The following CNGB3 variants were observed in gnomAD, a reference collection of about 807,000 sequenced individuals.
CNGB3 encodes cyclic nucleotide-gated channel beta-3.
In CNGB3, 86 loss-of-function variants were observed where a neutral mutation model predicts 92.8. That is an observed-to-expected ratio of 0.93 (90% CI 0.78 to 1.11). The LOEUF (loss-of-function observed/expected upper bound fraction) is 1.11, where lower values mean the gene tolerates loss of function less well. Ranked by LOEUF, CNGB3 falls within the 50% of genes least tolerant of loss-of-function variation. The pLI is 0.00. For synonymous variants in CNGB3, 333 were observed against 332.7 expected, an observed-to-expected ratio of 1.00 and a Z score of -0.01; for missense variants, 1,026 against 956.8, an observed-to-expected ratio of 1.07 and a Z score of -0.95.
rs541480678 is a variant in CNGB3 at position 86,711,302 on chromosome 8, G to A, written c.338+15229C>T. Among the ~76,000 whole-genome samples the A allele has an allele frequency of 1.3e-4, 20 of 152,026 alleles. No individual in the cohort carries two copies. The South Asian group carries it at 1.9e-3, about 14-fold the overall frequency. On this transcript the variant is annotated intron_variant, in intron 3 of 17. Coordinates refer to ENST00000320005, the MANE Select transcript of CNGB3 (RefSeq NM_019098.5). ...TATTCATGGATTTTTGCCTGCCTGC[G>A]TCATAGAAATCTGAGATTGTTCACT...
intron 2 of CNGB3, among the ~76,000 whole-genome samples, chr8:86,733,385 A>C (rs190202638): frequency 6.6e-6 from 1 of 152,186 alleles, no homozygotes; most frequent in African/African-American, 2.4e-5. Context: ...GCTATTGTGA[A>C]TATCACAGTG....
At chr8:86,626,113 C>T (rs759719427) in intron 12 of CNGB3, 33 bp from the exon 13 acceptor site, 2 of 1,499,524 alleles carry the variant, frequency 1.3e-6, no homozygotes, top group African/African-American at 2.8e-5. Flanking sequence ...AACCCCGATG[C>T]AGAATAATTA....
chr8:86,702,083 T>C (rs1824568470), intron 3 of CNGB3, among the ~76,000 whole-genome samples: 1 of 152,236 alleles, frequency 6.6e-6, no homozygotes, highest in African/African-American at 2.4e-5. Context: ...ACATTTAATA[T>C]ATGCTATAAG....
intron 3 of CNGB3, among the ~76,000 whole-genome samples, chr8:86,717,183 T>C (rs1824870996): frequency 6.6e-6 from 1 of 152,050 alleles, no homozygotes; most frequent in Non-Finnish European, 1.5e-5. Context: ...CCTAAATATA[T>C]ATACACCTAA....
At chr8:86,609,772 T>C (rs1244136113) in intron 14 of CNGB3, among the ~76,000 whole-genome samples, 31 of 152,230 alleles carry the variant, frequency 2.0e-4, no homozygotes, top group Admixed American at 2.0e-3. Flanking sequence ...GTTCCTTGGA[T>C]ATGCCAAGCT....
intron 3 of CNGB3, among the ~76,000 whole-genome samples, chr8:86,684,009 T>A (rs1221142328): frequency 1.3e-5 from 2 of 152,138 alleles, no homozygotes; most frequent in African/African-American, 4.8e-5. Context: ...TGGGAAACTT[T>A]TGCTTTGTGA....
chr8:86,627,678 A>G (rs1300943557), intron 12 of CNGB3, among the ~76,000 whole-genome samples: 1 of 152,144 alleles, frequency 6.6e-6, no homozygotes, highest in Non-Finnish European at 1.5e-5. Flanking sequence ...CCTCAGTAAC[A>G]ATTATTTTTA....
At chr8:86,635,363 T>C (rs1823042170) in intron 10 of CNGB3, among the ~76,000 whole-genome samples, 1 of 152,004 alleles carries the variant, frequency 6.6e-6, no homozygotes, top group Non-Finnish European at 1.5e-5. Flanking sequence ...TTACTTCCCC[T>C]CCAAAGTCAC....
chr8:86,727,091 A>G (rs1024318518), intron 2 of CNGB3, among the ~76,000 whole-genome samples: 8 of 152,224 alleles, frequency 5.3e-5, no homozygotes, highest in Non-Finnish European at 7.3e-5. Flanking sequence ...CAGTCTGTGT[A>G]TGTAAACATA....
At chr8:86,578,655 C>CCATGA in intron 17 of CNGB3, 34 bp downstream of exon 17, 1 of 1,610,070 alleles carries the variant, frequency 6.2e-7, no homozygotes, top group Non-Finnish European at 8.5e-7. Flanking sequence ...GGGGCCTTCT[C>CCATGA]CATGACAGCC....
chr8:86,656,047 C>T (rs1585996155), intron 6 of CNGB3, among the ~76,000 whole-genome samples: 1 of 152,180 alleles, frequency 6.6e-6, no homozygotes, highest in South Asian at 2.1e-4. Context: ...ACTTTTTTGG[C>T]TATAATTTTT....
intron 3 of CNGB3, among the ~76,000 whole-genome samples, chr8:86,674,929 T>C (rs1823936318): frequency 7.2e-6 from 1 of 138,822 alleles, no homozygotes; most frequent in Admixed American, 7.5e-5. Flanking sequence ...AATATTTCTT[T>C]CTTTCTCTCT....
rs755431853 is a variant in CNGB3 at position 86,604,190 on chromosome 8, A to G, written c.1684T>C (p.Tyr562His). 1 of 1,612,326 alleles carries G rather than the reference A, an allele frequency of 6.2e-7. No homozygotes were observed. Among genetic ancestry groups the G allele is most frequent in the Non-Finnish European group, 8.5e-7 (1 of 1,178,470 alleles). Residue 562 changes from tyrosine to histidine, a missense_variant, in exon 15 of 18, where the codon TAT becomes CAT. By Grantham distance (83) the Tyr-to-His change is moderately conservative. Transcript: ENST00000320005. ...TGGACTTCTCCATGCTTGATGATAT[A>G]CATTTCCTTGCCAATTTCTCCCTAC... Reference protein sequence around the residue: ...CKKGEIGKEMYIIKHGEVQVL... With the variant: ...CKKGEIGKEMHIIKHGEVQVL...
intron 11 of CNGB3, among the ~76,000 whole-genome samples, chr8:86,630,063 C>T (rs1822931480): frequency 6.6e-6 from 1 of 152,118 alleles, no homozygotes; most frequent in Non-Finnish European, 1.5e-5. Flanking sequence ...AATTGTGATG[C>T]CCTCCTCAGT....
At chr8:86,580,460 T>A (rs549613256) in intron 15 of CNGB3, among the ~76,000 whole-genome samples, 1 of 152,216 alleles carries the variant, frequency 6.6e-6, no homozygotes, top group East Asian at 1.9e-4. Context: ...CAGCACTTCA[T>A]GATGCCCTGG....
At chr8:86,688,749 T>C (rs1205779331) in intron 3 of CNGB3, among the ~76,000 whole-genome samples, 1 of 151,984 alleles carries the variant, frequency 6.6e-6, no homozygotes, top group African/African-American at 2.4e-5. Context: ...TTTATCTTTT[T>C]TTAAAAAACC....
chr8:86,591,507 G>C (rs1382317442), intron 15 of CNGB3, among the ~76,000 whole-genome samples: 3 of 149,742 alleles, frequency 2.0e-5, no homozygotes, highest in African/African-American at 4.9e-5. Context: ...GTGATGTACA[G>C]ATGGGTTTTT....
At chr8:86,702,344 C>T (rs1273930921) in intron 3 of CNGB3, among the ~76,000 whole-genome samples, 2 of 152,096 alleles carry the variant, frequency 1.3e-5, no homozygotes, top group Non-Finnish European at 2.9e-5. Context: ...TATCATTGGG[C>T]ATTTAAGATG....
chr8:86,640,650 G>A (rs185883404), intron 10 of CNGB3, among the ~76,000 whole-genome samples: 77 of 152,104 alleles, frequency 5.1e-4, no homozygotes, highest in African/African-American at 1.6e-3. Flanking sequence ...GAGGTGTTGC[G>A]TGATTCTAGA....
Sources: allele counts gnomAD v4.1 joint callset (sites outside exome capture counted in the v4.1 genomes callset), GRCh38; gene constraint gnomAD v4.1.1; transcripts MANE v1.5; gene names NCBI Gene and HGNC (gene_info 2026-07-23, HGNC 2026-07-21).